The following ZRANB1 variants were observed in gnomAD, a reference collection of about 807,000 sequenced individuals.
The protein encoded by ZRANB1 is ubiquitin thioesterase ZRANB1.
In ZRANB1, 16 loss-of-function variants were observed where a neutral mutation model predicts 80.5. The observed-to-expected ratio is 0.20, with a 90% CI of 0.13 to 0.30. The LOEUF (loss-of-function observed/expected upper bound fraction) is 0.30, where lower values mean the gene tolerates loss of function less well. Among genes scored for constraint, ZRANB1 ranks in the 10% least tolerant of loss-of-function variants. The pLI, the probability that ZRANB1 is intolerant of heterozygous loss-of-function variation, is 1.00. For missense variants in ZRANB1, 576 were observed against 862.6 expected, an observed-to-expected ratio of 0.67 and a Z score of 4.16; for synonymous variants, 291 against 293.1, an observed-to-expected ratio of 0.99 and a Z score of 0.07.
chr10:124,971,920 A>G lies in ZRANB1; in HGVS notation c.1003-45A>G, dbSNP rs745830266. ...TTAAATACTGTTGTTTTCTGCTTCCACTTATGATACATGAGATGAGAGGAA... is the reference window on the plus strand; with the variant it reads ...TTAAATACTGTTGTTTTCTGCTTCCGCTTATGATACATGAGATGAGAGGAA... On this transcript the variant is annotated intron_variant, in intron 2 of 8. Transcript: ENST00000359653. The G allele has an allele frequency of 1.1e-5, 16 of 1,493,408 alleles. No homozygotes were observed. The African/African-American group carries it at 1.8e-4, about 17-fold the overall frequency. 92.5% of individuals were successfully genotyped at this position (1,493,408 alleles called of 1,614,324 possible).
chr10:124,919,478 C>T, the ZRANB1 span, among the ~76,000 whole-genome samples: 5 of 151,406 alleles, frequency 3.3e-5, no homozygotes, highest in Non-Finnish European at 5.9e-5. Flanking sequence ...ACGCCGGAGG[C>T]GGAGGTTGCT....
chr10:124,949,453 A>G (rs1408531772), intron 1 of ZRANB1, among the ~76,000 whole-genome samples: 1 of 151,088 alleles, frequency 6.6e-6, no homozygotes, highest in East Asian at 1.9e-4. Context: ...ACATATGTAT[A>G]TATATATGTT....
At chr10:124,940,617 A>G, upstream of ZRANB1, 1 of 1,020,278 alleles carries the variant, frequency 9.8e-7, no homozygotes, top group Non-Finnish European at 1.3e-6. Context: ...TCTTCTTAGC[A>G]GAGTTCACAC....
the ZRANB1 span, among the ~76,000 whole-genome samples, chr10:124,929,044 G>C: frequency 1.3e-5 from 2 of 152,194 alleles, no homozygotes; most frequent in African/African-American, 4.8e-5. Flanking sequence ...ATGGTGGATA[G>C]AGTGGAAGTG....
chr10:124,938,884 G>GT (rs903263413), upstream of ZRANB1, among the ~76,000 whole-genome samples: 27 of 148,634 alleles, frequency 1.8e-4, no homozygotes, highest in African/African-American at 3.2e-4. Flanking sequence ...TTAAAAAAAA[G>GT]TTTTTTTTTT....
At chr10:124,932,919 G>C in the ZRANB1 span, among the ~76,000 whole-genome samples, 2 of 151,952 alleles carry the variant, frequency 1.3e-5, no homozygotes, top group Non-Finnish European at 1.5e-5. Flanking sequence ...TATATTCTTC[G>C]GTGAGGTGTC....
At chr10:124,945,455 A>G (rs1221890256) in intron 1 of ZRANB1, 1 of 137,072 alleles carries the variant, frequency 7.3e-6, no homozygotes, top group African/African-American at 3.0e-5. Context: ...TGTACTATGA[A>G]TACTTGGACT....
chr10:124,961,519 G>A (rs1396809524), intron 1 of ZRANB1, among the ~76,000 whole-genome samples: 2 of 152,136 alleles, frequency 1.3e-5, no homozygotes, highest in Non-Finnish European at 2.9e-5. Flanking sequence ...TGCTTGGCAG[G>A]ATCTTCTTTC....
intron 1 of ZRANB1, among the ~76,000 whole-genome samples, chr10:124,954,016 A>G (rs1951665697): frequency 6.8e-6 from 1 of 146,332 alleles, no homozygotes; most frequent in Admixed American, 6.9e-5. Context: ...CCCAGGCTGG[A>G]GTGCAGTGGC....
chr10:124,922,440 T>A, the ZRANB1 span, among the ~76,000 whole-genome samples: 1 of 150,134 alleles, frequency 6.7e-6, no homozygotes, highest in Admixed American at 6.7e-5. Flanking sequence ...ATCCTCTCAC[T>A]TCAGCCTCCC....
Position 124,973,728 on chromosome 10 carries a change from A to C in ZRANB1, c.1228+12A>C. 6.2e-7 allele frequency: 1 copy of C among 1,608,094 alleles called. No individual in the cohort carries two copies. Among genetic ancestry groups the C allele is most frequent in the Non-Finnish European group, 8.5e-7 (1 of 1,177,662 alleles). ...AGACGTTCAAAAAGGTAAGCATGGA[A>C]TTAATGAGTATAATTTACCTTTCAT... On this transcript the variant is annotated intron_variant, in intron 4 of 8. Coordinates refer to ENST00000359653, the MANE Select transcript of ZRANB1 (RefSeq NM_017580.3).
At chr10:124,976,307 T>TTGCTGATTTTCTTAGCTTCCTAC (rs1458116790) in intron 5 of ZRANB1, among the ~76,000 whole-genome samples, 5 of 152,254 alleles carry the variant, frequency 3.3e-5, no homozygotes, top group Non-Finnish European at 5.9e-5. Context: ...CAGCTTCCTG[T>TTGCTGATTTTCTTAGCTTCCTAC]TGCTGATTTT....
chr10:124,961,087 C>G (rs111937911), intron 1 of ZRANB1, among the ~76,000 whole-genome samples: 1 of 151,658 alleles, frequency 6.6e-6, no homozygotes, highest in African/African-American at 2.4e-5. Context: ...CTGCAACCTC[C>G]GCCACCTGGG....
At chr10:124,918,683 C>G in the ZRANB1 span, among the ~76,000 whole-genome samples, 2 of 152,146 alleles carry the variant, frequency 1.3e-5, no homozygotes, top group Admixed American at 1.3e-4. Flanking sequence ...TGCCAAGGCT[C>G]TTGGGAAAGT....
At chr10:124,966,902 C>T (rs1000957261) in intron 2 of ZRANB1, 121 bp downstream of exon 2, 20 of 921,062 alleles carry the variant, frequency 2.2e-5, no homozygotes, top group Admixed American at 5.4e-5. Flanking sequence ...TCTTTTACCC[C>T]CTTTTAAAAA....
chr10:124,925,775 C>G, the ZRANB1 span, among the ~76,000 whole-genome samples: 82 of 152,224 alleles, frequency 5.4e-4, no homozygotes, highest in African/African-American at 1.9e-3. Context: ...TTGCATGTGG[C>G]TGTCTGGTTA....
rs567307412 is a variant in ZRANB1, at chr10:124,972,136, C to T, written c.1156+18C>T. The T allele has an allele frequency of 3.6e-5, 58 of 1,599,806 alleles. No individual in the cohort carries two copies. Among genetic ancestry groups the T allele is most frequent in the Middle Eastern group, 1.7e-4 (1 of 5,980 alleles). On this transcript the variant is annotated intron_variant, in intron 3 of 8. Transcript: ENST00000359653. ...GCCAGCAGGTAACTCCAAAATCTAA[C>T]GTAAAAAGACTTTTTTATTTTATTA...
chr10:124,928,075 T>C, the ZRANB1 span, among the ~76,000 whole-genome samples: 1 of 152,080 alleles, frequency 6.6e-6, no homozygotes, highest in Non-Finnish European at 1.5e-5. Flanking sequence ...GTTTATTCAG[T>C]AACATGAGAT....
chr10:124,932,079 C>A, the ZRANB1 span, among the ~76,000 whole-genome samples: 1 of 152,224 alleles, frequency 6.6e-6, no homozygotes, highest in South Asian at 2.1e-4. Flanking sequence ...GTAACTGTTT[C>A]AGGTTGTCTG....
Sources: gnomAD v4.1 joint callset for allele counts (sites outside exome capture counted in the v4.1 genomes callset) on GRCh38, gnomAD v4.1.1 for gene constraint, MANE v1.5 for transcripts, NCBI Gene and HGNC (gene_info 2026-07-23, HGNC 2026-07-21) for gene names.